The following CSNK2A2 variants were observed in gnomAD, a reference collection of about 807,000 sequenced individuals.
The protein encoded by CSNK2A2 is casein kinase 2 alpha 2.
A neutral mutation model predicts 54.0 loss-of-function variants in CSNK2A2; 8 were observed. The observed-to-expected ratio is 0.15, with a 90% confidence interval of 0.09 to 0.27. The LOEUF is 0.27. Among genes scored for constraint, CSNK2A2 ranks in the 10% least tolerant of loss-of-function variants. The probability of loss-of-function intolerance (pLI) is 1.00; values close to 1 mark genes in which losing one functional copy is unlikely to be tolerated. For synonymous variants in CSNK2A2, 141 were observed against 153.9 expected (o/e 0.92, Z 0.62); for missense variants, 242 against 439.4 (o/e 0.55, Z 4.02).
intron 11 of CSNK2A2, chr16:58,162,895 T>C (rs966983639): frequency 3.3e-5 from 5 of 152,210 alleles, no homozygotes; most frequent in African/African-American, 4.8e-5. Flanking sequence ...TCTGAGTTGC[T>C]TGAGTTTCAG....
chr16:58,184,457 T>G lies in CSNK2A2; in HGVS notation c.319-147A>C, dbSNP rs1390583073. 3.1e-5 allele frequency: 17 copies of G among 546,104 alleles called. No individual in the cohort carries two copies. The South Asian group carries it at 4.2e-4, about 13-fold the overall frequency. The allele number at this position is 546,104 out of a possible 1,614,324, so 33.8% of individuals were successfully genotyped here. A position where few individuals can be genotyped will look rare whatever the true frequency, so the allele number is the denominator to read the frequency against. ...CAGCCTGTCAAGAAAAGTATTCTCTTGAAATTTTATGATGTCTGGAATTTG... is the reference window on the plus strand; with the variant it reads ...CAGCCTGTCAAGAAAAGTATTCTCTGGAAATTTTATGATGTCTGGAATTTG... On this transcript the variant is annotated intron_variant, in intron 3 of 11. Coordinates refer to ENST00000262506, the MANE Select transcript of CSNK2A2 (RefSeq NM_001896.4).
chr16:58,160,859 C>T (rs1293472400), intron 11 of CSNK2A2: 3 of 152,246 alleles, frequency 2.0e-5, no homozygotes, highest in Non-Finnish European at 4.4e-5. Context: ...CTGAGAGCAC[C>T]TTCCTCTCTG....
chr16:58,164,369 T>A (rs573531754), intron 10 of CSNK2A2, among the ~76,000 whole-genome samples: 1 of 152,328 alleles, frequency 6.6e-6, no homozygotes, highest in Admixed American at 6.5e-5. Context: ...TTACCCTTCC[T>A]CGGAGTACAG....
At chr16:58,184,459 A>C (rs1167838877) in intron 3 of CSNK2A2, 149 bp from the exon 4 acceptor site, 2 of 547,308 alleles carry the variant, frequency 3.7e-6, no homozygotes, top group East Asian at 3.3e-5. Context: ...TATTCTCTTG[A>C]AATTTTATGA....
rs561598897 is a variant in CSNK2A2 at position 58,174,610 on chromosome 16, C to A, written c.370-100G>T. On this transcript the variant is annotated intron_variant, in intron 4 of 11. Transcript: ENST00000262506. ...CTAAGCTTATTTGATACTTAAGTGA[C>A]TAAGGAATCCCATGACTTTTTTACT... 3.9e-6 allele frequency: 3 copies of A among 774,964 alleles called. No individual in the cohort carries two copies. The Admixed American group carries it at 9.2e-5, about 24-fold the overall frequency. 48.0% of individuals were successfully genotyped at this position (774,964 alleles called of 1,614,324 possible).
In CSNK2A2 at chr16:58,197,342, G is replaced by A. The variant is rs1284943116; in HGVS notation, c.104+291C>T. Among the ~76,000 whole-genome samples, 1 of 152,222 alleles carries A rather than the reference G, an allele frequency of 6.6e-6. No homozygotes were observed. Among genetic ancestry groups the A allele is most frequent in the Non-Finnish European group, 1.5e-5 (1 of 68,044 alleles). On this transcript the variant is annotated intron_variant, in intron 1 of 11. Coordinates refer to ENST00000262506, the MANE Select transcript of CSNK2A2 (RefSeq NM_001896.4). The surrounding 1 kb of genome is among the most constrained non-coding windows in gnomAD (Gnocchi z 4.0). Reference sequence around the variant, plus strand: ...TGGAAACCCAGAAGTGTGAGGAAGGGCAGCTCCCTCACTTCCACCCGGCGT... The same window carrying A: ...TGGAAACCCAGAAGTGTGAGGAAGGACAGCTCCCTCACTTCCACCCGGCGT...
rs1464575878 is a variant in CSNK2A2 at position 58,186,957 on chromosome 16, G to A, written c.217-101C>T. On this transcript the variant is annotated intron_variant, in intron 2 of 11. Transcript: ENST00000262506. Reference sequence around the variant, plus strand: ...AATCAGATGGATAGTACGCTATCTTGTACACTCTGTTGTGTTCAAGAGTGT... The same window carrying A: ...AATCAGATGGATAGTACGCTATCTTATACACTCTGTTGTGTTCAAGAGTGT... 3 of 896,294 alleles carry A rather than the reference G, an allele frequency of 3.3e-6. No individual in the cohort carries two copies. In the African/African-American group the frequency reaches 5.0e-5, roughly 15 times the overall value. 55.5% of individuals were successfully genotyped at this position (896,294 alleles called of 1,614,324 possible).
intron 4 of CSNK2A2, among the ~76,000 whole-genome samples, chr16:58,183,080 G>A (rs1026235230): frequency 2.0e-5 from 3 of 152,048 alleles, no homozygotes; most frequent in South Asian, 2.1e-4. Flanking sequence ...AATTAGGCCA[G>A]GCGCGACAGT....
intron 2 of CSNK2A2, among the ~76,000 whole-genome samples, chr16:58,190,643 A>C (rs180778844): frequency 2.8e-4 from 43 of 152,242 alleles, no homozygotes; most frequent in Non-Finnish European, 5.0e-4. Flanking sequence ...TCAGGAGTTA[A>C]AAAAAATTAT....
intron 11 of CSNK2A2, chr16:58,162,983 C>T (rs564236321): frequency 6.6e-6 from 1 of 152,148 alleles, no homozygotes; most frequent in African/African-American, 2.4e-5. Context: ...TATCACATAT[C>T]AGAACTTACA....
chr16:58,189,017 C>T (rs370511360), intron 2 of CSNK2A2, among the ~76,000 whole-genome samples: 15 of 142,548 alleles, frequency 1.1e-4, no homozygotes, highest in African/African-American at 3.2e-4. Context: ...AGCACAGTGG[C>T]GCAATCTCAG....
intron 11 of CSNK2A2, chr16:58,162,329 G>A (rs984668276): frequency 6.6e-6 from 1 of 152,196 alleles, no homozygotes; most frequent in Non-Finnish European, 1.5e-5. Context: ...GTTTACATTA[G>A]TATACAGAAT....
At chr16:58,190,225 A>G (rs1962293364) in intron 2 of CSNK2A2, among the ~76,000 whole-genome samples, 1 of 152,160 alleles carries the variant, frequency 6.6e-6, no homozygotes, top group South Asian at 2.1e-4. Context: ...ACCAATAAAA[A>G]AATTTTTTTT....
intron 10 of CSNK2A2, 138 bp downstream of exon 10, chr16:58,165,422 T>C (rs1157458950): frequency 2.4e-6 from 2 of 834,312 alleles, no homozygotes; most frequent in Non-Finnish European, 3.4e-6. Flanking sequence ...CTCAATCATC[T>C]ACGATAAATG....
intron 4 of CSNK2A2, among the ~76,000 whole-genome samples, chr16:58,180,186 G>T (rs916731072): frequency 6.6e-6 from 1 of 151,314 alleles, no homozygotes; most frequent in Non-Finnish European, 1.5e-5. Context: ...AAGGAAGAAA[G>T]AAGAAAAATA....
intron 11 of CSNK2A2, chr16:58,162,945 C>T (rs1961428070): frequency 6.6e-6 from 1 of 152,192 alleles, no homozygotes; most frequent in African/African-American, 2.4e-5. Context: ...GCATGCAAGA[C>T]AGACTTATCT....
At chr16:58,166,120 A>C (rs1275849893) in intron 9 of CSNK2A2, among the ~76,000 whole-genome samples, 1 of 152,220 alleles carries the variant, frequency 6.6e-6, no homozygotes, top group African/African-American at 2.4e-5. Flanking sequence ...TTACTTCTCA[A>C]CATTATTGCA....
intron 4 of CSNK2A2, among the ~76,000 whole-genome samples, chr16:58,179,699 CTA>C (rs1961977870): frequency 6.6e-6 from 1 of 152,146 alleles, no homozygotes; most frequent in Admixed American, 6.5e-5. Context: ...AGTTTGAAAA[CTA>C]TCCAGAAGTG....
At chr16:58,189,148 G>A (rs367732979) in intron 2 of CSNK2A2, among the ~76,000 whole-genome samples, 3 of 151,830 alleles carry the variant, frequency 2.0e-5, no homozygotes, top group African/African-American at 4.8e-5. Context: ...TAGTAGAGAC[G>A]GGGTCTCACC....
Sources: allele counts gnomAD v4.1 joint callset (sites outside exome capture counted in the v4.1 genomes callset), GRCh38; gene constraint gnomAD v4.1.1; non-coding constraint Gnocchi (gnomAD v3.1); transcripts MANE v1.5; gene names NCBI Gene and HGNC (gene_info 2026-07-23, HGNC 2026-07-21).